The following BCAR1 variants were observed in gnomAD, a reference collection of about 807,000 sequenced individuals.
The protein encoded by BCAR1 is breast cancer anti-estrogen resistance protein 1.
A neutral mutation model predicts 67.6 loss-of-function variants in BCAR1; 30 were observed. The observed-to-expected ratio is 0.44, with a 90% confidence interval of 0.33 to 0.60. BCAR1 has a LOEUF of 0.60. Among genes scored for constraint, BCAR1 ranks in the 20% least tolerant of loss-of-function variants. The pLI is 0.02. For synonymous variants in BCAR1, 626 were observed against 556.7 expected (o/e 1.12, Z -1.75); for missense variants, 1,313 against 1,222.3 (o/e 1.07, Z -1.11).
chr16:75,231,790 C>T (rs746261530), intron 6 of BCAR1, among the ~76,000 whole-genome samples: 28 of 152,184 alleles, frequency 1.8e-4, no homozygotes, highest in Non-Finnish European at 3.8e-4. Context: ...ACACAGAGGA[C>T]GGACAAAGTA....
At chr16:75,258,735 A>T (rs1406561717) in intron 1 of BCAR1, among the ~76,000 whole-genome samples, 1 of 152,258 alleles carries the variant, frequency 6.6e-6, no homozygotes, top group African/African-American at 2.4e-5. Context: ...TTCGGCGTGA[A>T]GAGCCAGTGT....
intron 1 of BCAR1, among the ~76,000 whole-genome samples, chr16:75,243,960 G>A (rs912664621): frequency 3.9e-5 from 6 of 152,234 alleles, no homozygotes; most frequent in African/African-American, 9.6e-5. Context: ...GGGTGTGGGC[G>A]GTTGCAGCAA....
At chr16:75,252,011 CTAACCAACCCCAGGGCA>C, upstream of BCAR1, 2 of 650,968 alleles carry the variant, frequency 3.1e-6, no homozygotes, top group East Asian at 5.6e-5. Flanking sequence ...GTCTTTCCCG[CTAACCAACCCCAGGGCA>C]TTCATCGCGT....
At chr16:75,254,776 A>C (rs59475255), upstream of BCAR1, among the ~76,000 whole-genome samples, 4,570 of 152,268 alleles carry the variant, frequency 0.03, 101 homozygotes, top group Middle Eastern at 0.12. Flanking sequence ...ATGAGCTCAC[A>C]GGCTGGAAGG....
At chr16:75,247,040 A>T (rs1340114659) in intron 1 of BCAR1, 1 of 152,570 alleles carries the variant, frequency 6.6e-6, no homozygotes, top group African/African-American at 2.4e-5. Flanking sequence ...CCCACTTCAG[A>T]ACATGCTGGA....
rs752467600 is a variant in BCAR1 at position 75,235,986 on chromosome 16, C to G, written c.913G>C (p.Val305Leu). ...KGLPPSNHHA[V>L]YDVPPSVSKD... is the part of the protein sequence containing the mutation. Reference sequence around the variant, plus strand: ...CTCACCGATGGAGGAACGTCGTAGACCTGGGGGACAAGCGGTGGTCAAGAC... The same window carrying G: ...CTCACCGATGGAGGAACGTCGTAGAGCTGGGGGACAAGCGGTGGTCAAGAC... The change falls in exon 5 of 7, where the codon GTC becomes CTC. Residue 305 changes from valine to leucine, a missense_variant and splice_region_variant. Physicochemically the swap from Val to Leu is conservative, Grantham distance 32. This residue lies in a region of BCAR1 where 1,272 missense variants were observed against 1,137.5 expected (regional missense o/e 1.12). Transcript: ENST00000162330. 3.8e-6 allele frequency: 6 copies of G among 1,568,708 alleles called. No homozygotes were observed. In the East Asian group the frequency reaches 1.2e-4, roughly 31 times the overall value.
chr16:75,230,323 G>A (rs778341156), intron 6 of BCAR1, among the ~76,000 whole-genome samples: 2 of 152,124 alleles, frequency 1.3e-5, no homozygotes, highest in African/African-American at 2.4e-5. Flanking sequence ...GGGGGTCACC[G>A]TCCTGGCTTG....
intron 1 of BCAR1, among the ~76,000 whole-genome samples, chr16:75,265,393 C>T (rs993243874): frequency 6.6e-6 from 1 of 152,116 alleles, no homozygotes; most frequent in Non-Finnish European, 1.5e-5. Flanking sequence ...AGGCCTCCCA[C>T]CCCCTCATCC....
At chr16:75,253,532 G>A (rs1360344277), upstream of BCAR1, among the ~76,000 whole-genome samples, 1 of 152,194 alleles carries the variant, frequency 6.6e-6, no homozygotes, top group Non-Finnish European at 1.5e-5. Flanking sequence ...TCCTCCCCCA[G>A]TAGCTGCATT....
At position 75,235,289 on chromosome 16, in the gene BCAR1, A is replaced by AGCTTAGATGTGT. The variant is rs1393881991; in HGVS notation, c.1609_1610insACACATCTAAGC (p.Ala536_Leu537insHisThrSerLys). 6.2e-7 allele frequency: 1 copy of AGCTTAGATGTGT among 1,606,086 alleles called. No homozygotes were observed. Among genetic ancestry groups the AGCTTAGATGTGT allele is most frequent in the Non-Finnish European group, 8.5e-7 (1 of 1,174,650 alleles). On this transcript the variant is annotated inframe_insertion, in exon 5 of 7. Coordinates refer to ENST00000162330, the MANE Select transcript of BCAR1 (RefSeq NM_014567.5). ...CAGCTGCCGGCTAAGCTTGGCATGCAGGGCACGGTCAGATGTGTGGGCAGC... is the reference window on the plus strand; with the variant it reads ...CAGCTGCCGGCTAAGCTTGGCATGCAGCTTAGATGTGTGGGCACGGTCAGATGTGTGGGCAGC...
chr16:75,246,655 C>T (rs1171237727), intron 1 of BCAR1: 1 of 152,282 alleles, frequency 6.6e-6, no homozygotes, highest in Non-Finnish European at 1.5e-5. Context: ...GAACGTCATC[C>T]GCACAACCAG....
chr16:75,231,378 C>A (rs1202602459), intron 6 of BCAR1, among the ~76,000 whole-genome samples: 2 of 152,178 alleles, frequency 1.3e-5, no homozygotes, highest in Non-Finnish European at 2.9e-5. Context: ...AGCCACTGCA[C>A]CCAGCCCTTT....
At chr16:75,260,633 CAAAA>C (rs59667747) in intron 1 of BCAR1, among the ~76,000 whole-genome samples, 1 of 118,174 alleles carries the variant, frequency 8.5e-6, no homozygotes, top group Admixed American at 8.4e-5. Flanking sequence ...GACTCCATCT[CAAAA>C]AAAAAAAAAA....
In BCAR1 at chr16:75,235,404, G is replaced by A. The variant is rs777661393; in HGVS notation, c.1495C>T (p.Pro499Ser). The change falls in exon 5 of 7, where the codon CCG (proline) becomes TCG (serine). Residue 499 changes from proline to serine, a missense_variant. Pro to Ser is a moderately conservative substitution (Grantham distance 74). Around this residue, in one of 2 missense-constraint regions of BCAR1, gnomAD observed 1,272 missense variants for 1,137.5 expected, o/e 1.12. Coordinates refer to ENST00000162330, the MANE Select transcript of BCAR1 (RefSeq NM_014567.5). ...GCAGCCTGCAGGTCCTGCACCAGCG[G>A]CTCCTGTGGCTCAGAGGGGCTACGC... ...SWRSPSEPQE[P>S]LVQDLQAAVA... 7.5e-6 allele frequency: 12 copies of A among 1,607,430 alleles called. 1 individual carries two copies. Among genetic ancestry groups the A allele is most frequent in the South Asian group, 4.4e-5 (4 of 90,986 alleles).
intron 1 of BCAR1, among the ~76,000 whole-genome samples, chr16:75,244,675 G>A (rs944303297): frequency 2.6e-5 from 4 of 152,232 alleles, no homozygotes; most frequent in African/African-American, 4.8e-5. Context: ...AAGGGCCAGA[G>A]GCTGGAGTGT....
chr16:75,239,603 T>A (rs1249951582), intron 2 of BCAR1, among the ~76,000 whole-genome samples: 1 of 152,134 alleles, frequency 6.6e-6, no homozygotes, highest in Non-Finnish European at 1.5e-5. Context: ...CTGACCTGGG[T>A]TGGCTCCCGG....
At position 75,229,598 on chromosome 16, in the gene BCAR1, C is replaced by T. The variant is rs369224562; in HGVS notation, c.2526G>A (p.Ala842=). 46 of 1,611,488 alleles carry T rather than the reference C, an allele frequency of 2.9e-5. No individual in the cohort carries two copies. The highest frequency in any genetic ancestry group is 4.5e-5 in the East Asian group (2 of 44,858). ...AAALQYPSPS[A]AQDMVERVKE... The stretch of plus-strand genomic sequence containing the variant: ...TGACCCTCTCCACCATGTCCTGGGC[C>T]GCGGAAGGCGATGGGTACTGCAAGG... The change falls in exon 7 of 7, where the codon GCG becomes GCA. Residue 842 remains alanine (A), a synonymous_variant. Transcript: ENST00000162330.
rs750445876 is a variant in BCAR1 at position 75,242,486 on chromosome 16, G to A, written c.617C>T (p.Thr206Met). The A allele has an allele frequency of 2.4e-5, 35 of 1,451,938 alleles. No homozygotes were observed. Among genetic ancestry groups the A allele is most frequent in the Admixed American group, 2.4e-4 (9 of 37,840 alleles). The allele number at this position is 1,451,938 out of a possible 1,614,324, so 89.9% of individuals were successfully genotyped here. A position where few individuals can be genotyped will look rare whatever the true frequency, so the allele number is the denominator to read the frequency against. Residue 206 changes from threonine (T) to methionine (M), a missense_variant, in exon 2 of 7, where the codon ACG (threonine) becomes ATG (methionine). Thr to Met is a moderately conservative substitution (Grantham distance 81). Around this residue, in one of 2 missense-constraint regions of BCAR1, gnomAD observed 1,272 missense variants for 1,137.5 expected, o/e 1.12. Transcript: ENST00000162330. Reference sequence around the variant, plus strand: ...CAGCCTTACCTTTGCCGGGGGCTTCGTGCCCTCCCAGCTGCGTGTGTCCAT... The same window carrying A: ...CAGCCTTACCTTTGCCGGGGGCTTCATGCCCTCCCAGCTGCGTGTGTCCAT... The part of the protein sequence containing the change: ...PSMDTRSWEG[T>M]KPPAKVVVPT...
chr16:75,234,202 C>A (rs1166658671), intron 5 of BCAR1, among the ~76,000 whole-genome samples: 1 of 105,038 alleles, frequency 9.5e-6, no homozygotes, highest in Non-Finnish European at 1.8e-5. Flanking sequence ...CACACACACA[C>A]TCCCCCAGGC....
Sources: gnomAD v4.1 joint callset for allele counts (sites outside exome capture counted in the v4.1 genomes callset) on GRCh38, gnomAD v4.1.1 for gene constraint, gnomAD v4.1.1 regional missense constraint, MANE v1.5 for transcripts, NCBI Gene and HGNC (gene_info 2026-07-23, HGNC 2026-07-21) for gene names.